The following CCDC171 variants were observed in gnomAD, a reference collection of about 807,000 sequenced individuals.
The protein encoded by CCDC171 is coiled-coil domain-containing protein 171.
Under a neutral mutation model 168.2 loss-of-function variants are expected in CCDC171, and 177 were observed. The observed-to-expected ratio is 1.05, with a 90% CI of 0.93 to 1.19. The LOEUF (loss-of-function observed/expected upper bound fraction) is 1.19, where lower values mean the gene tolerates loss of function less well. CCDC171 is among the 50% of genes most tolerant of loss of function. The probability of loss-of-function intolerance (pLI) is 0.00; values close to 1 mark genes in which losing one functional copy is unlikely to be tolerated. For missense variants in CCDC171, 1,991 were observed against 1,539.0 expected, an observed-to-expected ratio of 1.29 and a Z score of -4.91; for synonymous variants, 687 against 540.8, an observed-to-expected ratio of 1.27 and a Z score of -3.75.
the CCDC171 span, among the ~76,000 whole-genome samples, chr9:16,075,841 A>C: frequency 7.2e-5 from 11 of 152,326 alleles, 1 homozygote; most frequent in South Asian, 2.3e-3. Flanking sequence ...CATTAAAGAG[A>C]GAATAGCATA....
At chr9:15,583,615 T>C (rs982422288) in intron 4 of CCDC171, among the ~76,000 whole-genome samples, 15 of 152,074 alleles carry the variant, frequency 9.9e-5, no homozygotes, top group African/African-American at 2.9e-4. Flanking sequence ...TAATGGACTT[T>C]GGGGACTCTG....
chr9:15,566,041 C>G (rs1393707409), intron 2 of CCDC171, among the ~76,000 whole-genome samples: 3 of 152,070 alleles, frequency 2.0e-5, no homozygotes, highest in Non-Finnish European at 4.4e-5. Context: ...TTCAATTTAG[C>G]CATTTTGGTG....
rs139916778 is a variant in CCDC171, at chr9:16,048,274, G to A, written n.89+5388G>A. Among the ~76,000 whole-genome samples the A allele has an allele frequency of 4.5e-3, 691 of 152,228 alleles. 9 individuals carry two copies. The highest frequency in any genetic ancestry group is 3.3e-3 in the Non-Finnish European group (224 of 68,020). ...TCGTGGGAAACGTGTAGAGCTCTTA[G>A]TTGTGTACAGATGGCACTCTGCATG... On this transcript the variant is annotated intron_variant and non_coding_transcript_variant, in intron 1 of 1. Transcript: ENST00000478913.
chr9:15,643,198 G>A (rs1000880763), intron 7 of CCDC171, among the ~76,000 whole-genome samples: 1 of 151,928 alleles, frequency 6.6e-6, no homozygotes, highest in African/African-American at 2.4e-5. Context: ...AATCCTATGG[G>A]CTATTTCCTT....
intron 9 of CCDC171, among the ~76,000 whole-genome samples, chr9:15,677,925 T>TATA (rs59883669): frequency 0.071 from 2,986 of 41,826 alleles, 669 homozygotes; most frequent in Middle Eastern, 0.095. Flanking sequence ...TATATATATA[T>TATA]AAGAGATGTG....
At chr9:16,081,543 G>C in the CCDC171 span, among the ~76,000 whole-genome samples, 1 of 152,168 alleles carries the variant, frequency 6.6e-6, no homozygotes, top group Admixed American at 6.5e-5. Context: ...GCAATCGTGA[G>C]GAAAGCCAGC....
intron 9 of CCDC171, among the ~76,000 whole-genome samples, chr9:15,676,649 C>A (rs777683108): frequency 6.6e-6 from 1 of 152,066 alleles, no homozygotes; most frequent in Non-Finnish European, 1.5e-5. Context: ...TTTTGATAAT[C>A]TTGTGCCTTA....
At chr9:16,011,223 G>A (rs1392703229) in intron 3 of CCDC171, among the ~76,000 whole-genome samples, 2 of 152,026 alleles carry the variant, frequency 1.3e-5, no homozygotes, top group Non-Finnish European at 2.9e-5. Flanking sequence ...CTAAAATGCT[G>A]GGTTGGAAAG....
intron 23 of CCDC171, among the ~76,000 whole-genome samples, chr9:15,857,296 G>A (rs373103032): frequency 1.3e-5 from 2 of 151,820 alleles, no homozygotes; most frequent in Non-Finnish European, 2.9e-5. Context: ...CCATGAAATC[G>A]TTGCAAAGGC....
chr9:15,613,117 T>C (rs1332954370), intron 6 of CCDC171, among the ~76,000 whole-genome samples: 1 of 152,208 alleles, frequency 6.6e-6, no homozygotes, highest in Non-Finnish European at 1.5e-5. Context: ...TATGGTTAGC[T>C]TTTTGAGGAA....
chr9:16,039,781 C>T (rs1329337129), upstream of CCDC171, among the ~76,000 whole-genome samples: 1 of 152,152 alleles, frequency 6.6e-6, no homozygotes, highest in African/African-American at 2.4e-5. Flanking sequence ...GTCACATGGC[C>T]CCCCTTGAGC....
Position 15,724,829 on chromosome 9 carries a change from T to G in CCDC171, c.1545T>G (p.Thr515=). 1 of 1,613,828 alleles carries G rather than the reference T, an allele frequency of 6.2e-7. No homozygotes were observed. Among genetic ancestry groups the G allele is most frequent in the Non-Finnish European group, 8.5e-7 (1 of 1,179,774 alleles). Residue 515 remains threonine (T), a synonymous_variant, in exon 14 of 26, where the codon ACT becomes ACG. Transcript: ENST00000380701. ...DVNKELSHLH[T]KCADREALIS... is the part of the protein sequence containing the mutation. ...ATAAAGAGTTAAGTCATTTACACAC[T>G]AAATGTGCAGACCGAGAGGCTTTAA...
intron 6 of CCDC171, among the ~76,000 whole-genome samples, chr9:15,600,575 C>T (rs922622386): frequency 3.3e-5 from 5 of 152,172 alleles, no homozygotes; most frequent in African/African-American, 4.8e-5. Flanking sequence ...TTAGGCTACT[C>T]GGGGGTCCGG....
chr9:15,737,537 C>G (rs2054576959), intron 16 of CCDC171, among the ~76,000 whole-genome samples: 1 of 152,116 alleles, frequency 6.6e-6, no homozygotes, highest in Admixed American at 6.6e-5. Context: ...GAGGTAATAT[C>G]TCTTAACAGT....
intron 24 of CCDC171, among the ~76,000 whole-genome samples, chr9:15,891,479 T>C (rs1374179888): frequency 6.6e-6 from 1 of 152,170 alleles, no homozygotes; most frequent in African/African-American, 2.4e-5. Flanking sequence ...AGTTGGATCT[T>C]TGTAGGTCGA....
chr9:15,995,567 A>G, intron 3 of CCDC171, among the ~76,000 whole-genome samples: 1 of 152,220 alleles, frequency 6.6e-6, no homozygotes, highest in South Asian at 2.1e-4. Flanking sequence ...AGCTGTCATC[A>G]GCTGTCATCA....
intron 11 of CCDC171, among the ~76,000 whole-genome samples, chr9:15,717,528 C>T (rs1020014835): frequency 6.6e-6 from 1 of 152,170 alleles, no homozygotes; most frequent in African/African-American, 2.4e-5. Context: ...GCTTGCAGTA[C>T]CCCACCTCCA....
intron 10 of CCDC171, among the ~76,000 whole-genome samples, chr9:15,691,954 G>C (rs1320381563): frequency 6.6e-6 from 1 of 152,152 alleles, no homozygotes; most frequent in South Asian, 2.1e-4. Context: ...GATTACAAGA[G>C]TGAGCCATTG....
chr9:15,645,942 T>G lies in CCDC171; in HGVS notation c.823-11185T>G, dbSNP rs370186741. ...AGAAGAGCAATTCCAAGACACATAA[T>G]TGTCAGATTCACCAAAGTTGAAATG... On this transcript the variant is annotated intron_variant, in intron 7 of 25. Coordinates refer to ENST00000380701, the MANE Select transcript of CCDC171 (RefSeq NM_173550.4). Among the ~76,000 whole-genome samples the G allele has an allele frequency of 7.9e-4, 120 of 152,164 alleles. 2 individuals carry two copies. The South Asian group carries it at 0.024, about 31-fold the overall frequency.
Sources: gnomAD v4.1 joint callset for allele counts (sites outside exome capture counted in the v4.1 genomes callset) on GRCh38, gnomAD v4.1.1 for gene constraint, MANE v1.5 for transcripts, NCBI Gene and HGNC (gene_info 2026-07-23, HGNC 2026-07-21) for gene names.